Variants in EBF2 observed in about 807,000 individuals in gnomAD.
EBF2 encodes the protein transcription factor COE2.
A neutral mutation model predicts 72.8 loss-of-function variants in EBF2; 21 were observed. That is an observed-to-expected ratio of 0.29 (90% CI 0.20 to 0.42). The LOEUF (loss-of-function observed/expected upper bound fraction) is 0.42. Among genes scored for constraint, EBF2 ranks in the 10% least tolerant of loss-of-function variants. The pLI is 1.00. For synonymous variants in EBF2, 299 were observed against 274.2 expected (o/e 1.09, Z -0.89); for missense variants, 637 against 731.2 (o/e 0.87, Z 1.49).
At chr8:25,970,332 C>T (rs573010550) in intron 6 of EBF2, among the ~76,000 whole-genome samples, 2 of 152,202 alleles carry the variant, frequency 1.3e-5, no homozygotes, top group South Asian at 2.1e-4. Flanking sequence ...ATCTGCTCCA[C>T]CTTCTGGGAG....
intron 6 of EBF2, among the ~76,000 whole-genome samples, chr8:25,953,051 A>C (rs762938411): frequency 6.6e-6 from 1 of 152,224 alleles, no homozygotes; most frequent in South Asian, 2.1e-4. Context: ...CAAGAAGCTC[A>C]TCTCCAAAAG....
chr8:26,041,148 G>A, intron 2 of EBF2, 146 bp from the exon 3 acceptor site: 5 of 897,830 alleles, frequency 5.6e-6, no homozygotes, highest in Non-Finnish European at 8.6e-6. Flanking sequence ...AGGTCAAAGG[G>A]CATGAGCATC....
intron 10 of EBF2, among the ~76,000 whole-genome samples, chr8:25,879,278 TGTA>T (rs1266704796): frequency 6.6e-6 from 1 of 152,142 alleles, no homozygotes; most frequent in Non-Finnish European, 1.5e-5. Context: ...TCTAAAAAAG[TGTA>T]GAAGATGTTC....
intron 6 of EBF2, among the ~76,000 whole-genome samples, chr8:26,030,455 T>A (rs948539930): frequency 6.6e-6 from 1 of 151,878 alleles, no homozygotes; most frequent in Non-Finnish European, 1.5e-5. Context: ...GGGAGAGCAT[T>A]AGGAGATATA....
chr8:25,909,976 G>A (rs1803100377), intron 6 of EBF2, among the ~76,000 whole-genome samples: 1 of 152,118 alleles, frequency 6.6e-6, no homozygotes, highest in South Asian at 2.1e-4. Flanking sequence ...TTATAGGGTG[G>A]GTGGGAGGTT....
At chr8:26,009,093 C>A (rs1045085385) in intron 6 of EBF2, among the ~76,000 whole-genome samples, 3 of 111,618 alleles carry the variant, frequency 2.7e-5, no homozygotes, top group African/African-American at 7.0e-5. Context: ...TTTAAGTTAT[C>A]CATGAGTAAA....
At chr8:25,999,556 T>C (rs181436204) in intron 6 of EBF2, among the ~76,000 whole-genome samples, 1 of 152,144 alleles carries the variant, frequency 6.6e-6, no homozygotes, top group Admixed American at 6.5e-5. Context: ...TCTCTCTACA[T>C]CTGGGTTTTT....
intron 10 of EBF2, among the ~76,000 whole-genome samples, chr8:25,864,061 T>C (rs1184795227): frequency 6.6e-6 from 1 of 152,178 alleles, no homozygotes; most frequent in Admixed American, 6.5e-5. Flanking sequence ...TCCTAATTTC[T>C]CACTATTATA....
intron 6 of EBF2, among the ~76,000 whole-genome samples, chr8:25,989,789 G>A (rs1413778277): frequency 6.6e-6 from 1 of 152,282 alleles, no homozygotes; most frequent in Admixed American, 6.5e-5. Flanking sequence ...CTGGATAAGA[G>A]AGCCATGGGT....
At chr8:26,030,489 TG>T (rs1365752300) in intron 6 of EBF2, among the ~76,000 whole-genome samples, 2 of 151,944 alleles carry the variant, frequency 1.3e-5, no homozygotes, top group Non-Finnish European at 2.9e-5. Context: ...GATGAATTAA[TG>T]GGTGCAGCAC....
intron 6 of EBF2, among the ~76,000 whole-genome samples, chr8:25,992,124 G>A (rs944902211): frequency 1.3e-5 from 2 of 151,592 alleles, no homozygotes; most frequent in Admixed American, 6.6e-5. Context: ...TCCACCTCCC[G>A]AGTTCAAGTG....
intron 6 of EBF2, among the ~76,000 whole-genome samples, chr8:25,921,438 A>T (rs17054598): frequency 6.6e-6 from 1 of 152,158 alleles, no homozygotes; most frequent in African/African-American, 2.4e-5. Flanking sequence ...TCCCGAGTGT[A>T]GTCAACAGAG....
chr8:25,985,059 T>A (rs1804426770), intron 6 of EBF2, among the ~76,000 whole-genome samples: 1 of 152,152 alleles, frequency 6.6e-6, no homozygotes, highest in Non-Finnish European at 1.5e-5. Flanking sequence ...TTGTTTTATA[T>A]TTGAAAAGTG....
chr8:26,030,704 C>T (rs1179313051), intron 6 of EBF2, among the ~76,000 whole-genome samples: 1 of 152,138 alleles, frequency 6.6e-6, no homozygotes, highest in Non-Finnish European at 1.5e-5. Flanking sequence ...AGACATGCAA[C>T]ATTTCGGAAG....
intron 6 of EBF2, among the ~76,000 whole-genome samples, chr8:26,015,071 TAA>T (rs1197791417): frequency 6.6e-6 from 1 of 152,142 alleles, no homozygotes; most frequent in Non-Finnish European, 1.5e-5. Context: ...GCATTCTGAT[TAA>T]AAGAGTGGAG....
chr8:25,884,429 G>T (rs373455643), intron 10 of EBF2, among the ~76,000 whole-genome samples: 1 of 152,120 alleles, frequency 6.6e-6, no homozygotes, highest in Non-Finnish European at 1.5e-5. Context: ...CACAGCTGGC[G>T]CCATCCTGGG....
intron 5 of EBF2, among the ~76,000 whole-genome samples, chr8:26,033,686 C>T (rs1415120012): frequency 6.6e-6 from 1 of 152,152 alleles, no homozygotes; most frequent in East Asian, 1.9e-4. Context: ...CAGCAAACCA[C>T]CGTGGCACAT....
chr8:26,022,224 A>G (rs1009765995), intron 6 of EBF2, among the ~76,000 whole-genome samples: 2 of 152,148 alleles, frequency 1.3e-5, no homozygotes, highest in African/African-American at 4.8e-5. Flanking sequence ...TCTTATCCCA[A>G]CTGAGTCTTT....
At chr8:25,933,250 G>C (rs1299992939) in intron 6 of EBF2, among the ~76,000 whole-genome samples, 2 of 152,218 alleles carry the variant, frequency 1.3e-5, no homozygotes, top group Non-Finnish European at 2.9e-5. Flanking sequence ...GTAGGACATT[G>C]CTGGACTCTG....
Sources: gnomAD v4.1 joint callset for allele counts (sites outside exome capture counted in the v4.1 genomes callset) on GRCh38, gnomAD v4.1.1 for gene constraint, MANE v1.5 for transcripts, NCBI Gene and HGNC (gene_info 2026-07-23, HGNC 2026-07-21) for gene names.